Variants in ZBTB8A observed in about 807,000 individuals in gnomAD.
ZBTB8A encodes zinc finger and BTB domain containing 8A, also known as zinc finger and BTB domain-containing protein 8A.
Under a neutral mutation model 37.8 loss-of-function variants are expected in ZBTB8A, and 19 were observed. The observed-to-expected ratio is 0.50, with a 90% confidence interval of 0.35 to 0.74. The LOEUF is 0.74. Ranked by LOEUF, ZBTB8A falls within the 30% of genes least tolerant of loss-of-function variation. The probability of loss-of-function intolerance (pLI) is 0.01; values close to 1 mark genes in which losing one functional copy is unlikely to be tolerated. For missense variants in ZBTB8A, 394 were observed against 537.8 expected, an observed-to-expected ratio of 0.73 and a Z score of 2.65; for synonymous variants, 181 against 185.2, an observed-to-expected ratio of 0.98 and a Z score of 0.19.
Position 32,602,208 on chromosome 1 carries a change from A to C in ZBTB8A, c.*1789A>C, listed in dbSNP as rs1048164804. 6.6e-6 allele frequency: 1 copy of C among 151,956 alleles called. No individual in the cohort carries two copies. The highest frequency in any genetic ancestry group is 2.4e-5 in the African/African-American group (1 of 41,352). The allele number at this position is 151,956 out of a possible 1,614,324, so 9.4% of individuals were successfully genotyped here. A position where few individuals can be genotyped will look rare whatever the true frequency, so the allele number is the denominator to read the frequency against. ...CCGGGCGTGGTGGTGCATGCCTGTA[A>C]TCCCAGCTACTCAGAAGGCTGAGGC... On this transcript the variant is annotated 3_prime_UTR_variant, in exon 5 of 5. Transcript: ENST00000373510.
intron 1 of ZBTB8A, among the ~76,000 whole-genome samples, chr1:32,551,085 C>T (rs928148327): frequency 6.6e-6 from 1 of 152,114 alleles, no homozygotes; most frequent in African/African-American, 2.4e-5. Flanking sequence ...TCTCTGAATG[C>T]CCTTCTAACT....
At chr1:32,596,344 T>G (rs1482330127) in intron 4 of ZBTB8A, among the ~76,000 whole-genome samples, 6 of 141,682 alleles carry the variant, frequency 4.2e-5, no homozygotes, top group Non-Finnish European at 7.5e-5. Context: ...CACTCCAGCC[T>G]GGGCGACTGA....
intron 4 of ZBTB8A, among the ~76,000 whole-genome samples, chr1:32,599,392 T>A (rs967865191): frequency 6.6e-6 from 1 of 151,978 alleles, no homozygotes; most frequent in Non-Finnish European, 1.5e-5. Flanking sequence ...CACTACACCG[T>A]AGCCTGGGTG....
At chr1:32,579,702 G>A (rs1306754216) in intron 2 of ZBTB8A, among the ~76,000 whole-genome samples, 1 of 151,988 alleles carries the variant, frequency 6.6e-6, no homozygotes, top group Non-Finnish European at 1.5e-5. Flanking sequence ...GTGATAGTAG[G>A]ACATACCTCA....
intron 2 of ZBTB8A, among the ~76,000 whole-genome samples, chr1:32,589,562 T>G (rs1447073794): frequency 7.4e-6 from 1 of 135,508 alleles, no homozygotes; most frequent in Non-Finnish European, 1.6e-5. Context: ...GTTTGTTTGT[T>G]TGTTTGAGGT....
At position 32,601,873 on chromosome 1, in the gene ZBTB8A, C is replaced by G. The variant is rs979729918; in HGVS notation, c.*1454C>G. The stretch of plus-strand genomic sequence containing the variant: ...CAAATAATGCTAAGTAATGTCCCTA[C>G]AGTACCTATTGGTATGTTTTTATGT... On this transcript the variant is annotated 3_prime_UTR_variant, in exon 5 of 5. Coordinates refer to ENST00000373510, the MANE Select transcript of ZBTB8A (RefSeq NM_001040441.3). The G allele has an allele frequency of 7.1e-5, 28 of 393,754 alleles. No individual in the cohort carries two copies. Among genetic ancestry groups the G allele is most frequent in the Admixed American group, 8.9e-5 (2 of 22,594 alleles). 24.4% of individuals were successfully genotyped at this position (393,754 alleles called of 1,614,324 possible).
At chr1:32,595,260 T>TTTTTGG in intron 4 of ZBTB8A, 37 bp downstream of exon 4, 2 of 1,601,230 alleles carry the variant, frequency 1.2e-6, no homozygotes, top group Non-Finnish European at 1.7e-6. Flanking sequence ...TACTAATTCT[T>TTTTTGG]TTTTGGTTTT....
rs1644598164 is a variant in ZBTB8A, at chr1:32,604,085, T to C, written c.*3666T>C. Reference sequence around the variant, plus strand: ...AGGATTTTTTTTTTAATATCAAGACTTGGTTAGACCAAAGTTTGCTCTTGC... The same window carrying C: ...AGGATTTTTTTTTTAATATCAAGACCTGGTTAGACCAAAGTTTGCTCTTGC... On this transcript the variant is annotated 3_prime_UTR_variant, in exon 5 of 5. Transcript: ENST00000373510. 1 of 152,146 alleles carries C rather than the reference T, an allele frequency of 6.6e-6. No homozygotes were observed. The highest frequency in any genetic ancestry group is 2.1e-4 in the South Asian group (1 of 4,836). The allele number at this position is 152,146 out of a possible 1,614,324, so 9.4% of individuals were successfully genotyped here.
chr1:32,600,479 T>G lies in ZBTB8A; in HGVS notation c.*60T>G. On this transcript the variant is annotated 3_prime_UTR_variant, in exon 5 of 5. Coordinates refer to ENST00000373510, the MANE Select transcript of ZBTB8A (RefSeq NM_001040441.3). ...AATTTACATTGACTTCCTGTATCTC[T>G]CTCTTTCTATGGTCGGAGTCTAGTT... 1.6e-6 allele frequency: 2 copies of G among 1,267,332 alleles called. No individual in the cohort carries two copies. Among genetic ancestry groups the G allele is most frequent in the Non-Finnish European group, 2.2e-6 (2 of 906,784 alleles). 78.5% of individuals were successfully genotyped at this position (1,267,332 alleles called of 1,614,324 possible).
chr1:32,599,199 G>A (rs1449902042), intron 4 of ZBTB8A, among the ~76,000 whole-genome samples: 12 of 128,430 alleles, frequency 9.3e-5, no homozygotes, highest in Admixed American at 1.7e-4. Context: ...TGCACCCCCC[G>A]CCCCCACCTC....
intron 2 of ZBTB8A, among the ~76,000 whole-genome samples, chr1:32,578,954 A>C (rs188605349): frequency 3.0e-4 from 46 of 152,140 alleles, no homozygotes; most frequent in Non-Finnish European, 5.7e-4. Flanking sequence ...GTCTGTCTTT[A>C]ATTGAATTTT....
rs942614701 is a variant in ZBTB8A at position 32,581,309 on chromosome 1, A to G, written c.-1-11622A>G. Among the ~76,000 whole-genome samples, 21 of 117,778 alleles carry G rather than the reference A, an allele frequency of 1.8e-4. 1 individual carries two copies. Among genetic ancestry groups the G allele is most frequent in the East Asian group, 1.1e-3 (5 of 4,698 alleles). 77.3% of individuals were successfully genotyped at this position (117,778 alleles called of 152,430 possible). ...ATATATATTTATATATTATATAATAATATATAATATATAAGTATATATAAT... is the reference window on the plus strand; with the variant it reads ...ATATATATTTATATATTATATAATAGTATATAATATATAAGTATATATAAT... On this transcript the variant is annotated intron_variant, in intron 2 of 4. Coordinates refer to ENST00000373510, the MANE Select transcript of ZBTB8A (RefSeq NM_001040441.3).
At chr1:32,580,080 G>GC (rs1414100220) in intron 2 of ZBTB8A, among the ~76,000 whole-genome samples, 1 of 151,862 alleles carries the variant, frequency 6.6e-6, no homozygotes, top group Non-Finnish European at 1.5e-5. Context: ...TTAAAGGGAG[G>GC]CCGGGCATGG....
intron 1 of ZBTB8A, among the ~76,000 whole-genome samples, chr1:32,546,314 C>T (rs903813001): frequency 1.3e-5 from 2 of 151,930 alleles, no homozygotes; most frequent in South Asian, 2.1e-4. Context: ...TGTGGTGGTG[C>T]GTGCCTGTAA....
intron 1 of ZBTB8A, among the ~76,000 whole-genome samples, chr1:32,542,387 A>G (rs1006299335): frequency 2.6e-5 from 4 of 151,100 alleles, no homozygotes; most frequent in Non-Finnish European, 4.4e-5. Context: ...CAGCCTGGAC[A>G]AGAAGGTGAA....
intron 2 of ZBTB8A, among the ~76,000 whole-genome samples, chr1:32,554,650 T>C (rs1344996972): frequency 6.6e-6 from 1 of 152,008 alleles, no homozygotes; most frequent in Non-Finnish European, 1.5e-5. Context: ...GGCTAATTTA[T>C]GTATTTTTAG....
At chr1:32,586,747 G>A (rs55652000) in intron 2 of ZBTB8A, among the ~76,000 whole-genome samples, 18,187 of 152,016 alleles carry the variant, frequency 0.12, 1,185 homozygotes, top group African/African-American at 0.18. Context: ...GGAGCAGAGC[G>A]GTGGAGATGA....
At chr1:32,564,437 A>T (rs952487167) in intron 2 of ZBTB8A, among the ~76,000 whole-genome samples, 1 of 152,210 alleles carries the variant, frequency 6.6e-6, no homozygotes, top group African/African-American at 2.4e-5. Flanking sequence ...AGGTAAGTGG[A>T]AATGTAACAC....
intron 1 of ZBTB8A, among the ~76,000 whole-genome samples, chr1:32,546,630 T>G (rs779909622): frequency 6.6e-6 from 1 of 152,010 alleles, no homozygotes; most frequent in Non-Finnish European, 1.5e-5. Flanking sequence ...GGACCTTGTC[T>G]CAAGAATTTA....
Sources: gnomAD v4.1 joint callset for allele counts (sites outside exome capture counted in the v4.1 genomes callset) on GRCh38, gnomAD v4.1.1 for gene constraint, MANE v1.5 for transcripts, NCBI Gene and HGNC (gene_info 2026-07-23, HGNC 2026-07-21) for gene names.